MTUS2: variants seen among roughly 807,000 people sequenced by gnomAD.
MTUS2 encodes microtubule-associated tumor suppressor candidate 2.
MTUS2 carries 40 observed loss-of-function variants against 114.1 expected under a neutral mutation model. The ratio of observed to expected loss-of-function variants is 0.35; its 90% CI spans 0.27 to 0.46. MTUS2 has a LOEUF of 0.46. Among genes scored for constraint, MTUS2 ranks in the 20% least tolerant of loss-of-function variants. The probability of loss-of-function intolerance (pLI) is 1.00; values close to 1 mark genes in which losing one functional copy is unlikely to be tolerated. For missense variants in MTUS2, 1,679 were observed against 1,705.4 expected, an observed-to-expected ratio of 0.98 and a Z score of 0.27; for synonymous variants, 688 against 672.0, an observed-to-expected ratio of 1.02 and a Z score of -0.37.
chr13:28,897,258 C>G (rs979645245), intron 2 of MTUS2, among the ~76,000 whole-genome samples: 11 of 151,790 alleles, frequency 7.2e-5, no homozygotes, highest in Non-Finnish European at 1.5e-4. Flanking sequence ...ACATGCTTCT[C>G]AAAAGAAGAC....
At chr13:29,475,871 A>G (rs1270244584) in intron 9 of MTUS2, among the ~76,000 whole-genome samples, 2 of 152,170 alleles carry the variant, frequency 1.3e-5, no homozygotes, top group East Asian at 1.9e-4. Context: ...AATTTTTTTA[A>G]ATAAATTTAG....
chr13:29,232,625 T>G (rs767568514), intron 5 of MTUS2, among the ~76,000 whole-genome samples: 9 of 152,338 alleles, frequency 5.9e-5, no homozygotes, highest in Non-Finnish European at 1.2e-4. Context: ...TTAAGTGGCT[T>G]ATTTTTTTAC....
Position 29,268,241 on chromosome 13 carries a change from T to C in MTUS2, c.2645-13463T>C, listed in dbSNP as rs1034725431. On this transcript the variant is annotated intron_variant, in intron 5 of 15. Transcript: ENST00000612955. The stretch of plus-strand genomic sequence containing the variant: ...AATGAGGAAGGGACAATAAGCTCTT[T>C]GAAAGTTTTTGTGAAATAGAAAAGA... Among the ~76,000 whole-genome samples the C allele has an allele frequency of 3.3e-5, 5 of 152,150 alleles. No individual in the cohort carries two copies. The South Asian group carries it at 6.2e-4, about 19-fold the overall frequency.
chr13:29,047,751 G>C (rs928319522), intron 4 of MTUS2, among the ~76,000 whole-genome samples: 1 of 152,094 alleles, frequency 6.6e-6, no homozygotes, highest in Admixed American at 6.6e-5. Flanking sequence ...CTGACGTGAT[G>C]CGCCCACCTT....
At chr13:28,992,706 T>C (rs151299557) in intron 2 of MTUS2, among the ~76,000 whole-genome samples, 1 of 152,328 alleles carries the variant, frequency 6.6e-6, no homozygotes, top group East Asian at 1.9e-4. Flanking sequence ...TGAGTCCTAG[T>C]TGCTCATATT....
intron 7 of MTUS2, among the ~76,000 whole-genome samples, chr13:29,336,787 T>C (rs1389412284): frequency 1.3e-5 from 2 of 152,174 alleles, no homozygotes; most frequent in African/African-American, 4.8e-5. Flanking sequence ...AGATGGGAAT[T>C]CTATCTATAA....
intron 1 of MTUS2, among the ~76,000 whole-genome samples, chr13:28,830,740 TGAG>T (rs1459207386): frequency 2.0e-5 from 3 of 151,968 alleles, no homozygotes; most frequent in African/African-American, 4.8e-5. Context: ...AAAGATTACT[TGAG>T]GAAATAATGG....
chr13:28,946,946 G>A (rs920815095), intron 2 of MTUS2, among the ~76,000 whole-genome samples: 2 of 152,130 alleles, frequency 1.3e-5, no homozygotes, highest in Non-Finnish European at 2.9e-5. Context: ...CATTCCCAAA[G>A]CACCTTTCAT....
chr13:29,345,989 A>T (rs1868639307), intron 7 of MTUS2, among the ~76,000 whole-genome samples: 1 of 152,194 alleles, frequency 6.6e-6, no homozygotes, highest in African/African-American at 2.4e-5. Flanking sequence ...GTATCTGCAA[A>T]GAGTCCTCTG....
At chr13:29,168,984 A>G (rs993814925) in intron 5 of MTUS2, among the ~76,000 whole-genome samples, 6 of 151,422 alleles carry the variant, frequency 4.0e-5, no homozygotes, top group African/African-American at 1.5e-4. Flanking sequence ...CCTTATATTC[A>G]CAGCTGAATC....
Position 29,246,341 on chromosome 13 carries a change from G to A in MTUS2, c.2645-35363G>A, listed in dbSNP as rs1469310966. 3.9e-5 allele frequency among the ~76,000 whole-genome samples: 6 copies of A among 152,144 alleles called. No homozygotes were observed. The East Asian group carries it at 5.8e-4, about 15-fold the overall frequency. On this transcript the variant is annotated intron_variant, in intron 5 of 15. Coordinates refer to ENST00000612955, the MANE Select transcript of MTUS2 (RefSeq NM_001033602.4). The stretch of plus-strand genomic sequence containing the variant: ...CATCCGAGGCAGACCTAGACCATTC[G>A]GATCTTCTGAGTTTCCTTAGGATAG...
chr13:29,031,018 T>TCAGGGA (rs1234429463), intron 3 of MTUS2, among the ~76,000 whole-genome samples: 1 of 152,134 alleles, frequency 6.6e-6, no homozygotes, highest in Non-Finnish European at 1.5e-5. Flanking sequence ...TCCTGAGGTC[T>TCAGGGA]CAGGGACACT....
At chr13:29,080,006 A>G (rs1431429333) in intron 4 of MTUS2, among the ~76,000 whole-genome samples, 1 of 152,214 alleles carries the variant, frequency 6.6e-6, no homozygotes, top group Non-Finnish European at 1.5e-5. Context: ...TCTTAACAAT[A>G]TTAAGACTTC....
At chr13:29,039,322 G>T (rs1312651962) in intron 4 of MTUS2, among the ~76,000 whole-genome samples, 1 of 152,234 alleles carries the variant, frequency 6.6e-6, no homozygotes, top group Non-Finnish European at 1.5e-5. Flanking sequence ...GAAGTCTGCG[G>T]CTGGGGCCAA....
At chr13:29,309,557 A>T (rs1020309168) in intron 6 of MTUS2, among the ~76,000 whole-genome samples, 7 of 149,182 alleles carry the variant, frequency 4.7e-5, no homozygotes, top group African/African-American at 1.8e-4. Context: ...ACAAACCTGC[A>T]CATCCTGCAC....
At chr13:28,894,343 A>AGAGAGAGAGAGT (rs1566203791) in intron 2 of MTUS2, among the ~76,000 whole-genome samples, 3 of 93,620 alleles carry the variant, frequency 3.2e-5, no homozygotes, top group African/African-American at 1.6e-4. Flanking sequence ...AGAGAGAGAG[A>AGAGAGAGAGAGT]GAGAGAGTGA....
In MTUS2 at chr13:29,484,053, C is replaced by CA. The variant is rs530182676; in HGVS notation, c.3399+3690dup. On this transcript the variant is annotated intron_variant, in intron 10 of 15. Coordinates refer to ENST00000612955, the MANE Select transcript of MTUS2 (RefSeq NM_001033602.4). ...CTCCACAACTTGCTCCAGAGCCACT[C>CA]ACTTCAGGGACTGCCAGTCTGGATG... 3.2e-4 allele frequency: 48 copies of CA among 152,368 alleles called. 1 individual carries two copies. The highest frequency in any genetic ancestry group is 2.5e-3 in the Admixed American group (39 of 15,304). 9.4% of individuals were successfully genotyped at this position (152,368 alleles called of 1,614,324 possible).
intron 5 of MTUS2, among the ~76,000 whole-genome samples, chr13:29,217,662 T>C (rs555422749): frequency 9.8e-5 from 15 of 152,372 alleles, no homozygotes; most frequent in South Asian, 4.1e-4. Flanking sequence ...TTACAATGAC[T>C]GATTCTTCCT....
intron 8 of MTUS2, among the ~76,000 whole-genome samples, chr13:29,405,743 C>CTACTT (rs1874700285): frequency 7.0e-6 from 1 of 141,904 alleles, no homozygotes; most frequent in Non-Finnish European, 1.5e-5. Context: ...TAATTAACTA[C>CTACTT]TTTTTTTTTT....
Sources: allele counts gnomAD v4.1 joint callset (sites outside exome capture counted in the v4.1 genomes callset), GRCh38; gene constraint gnomAD v4.1.1; transcripts MANE v1.5; gene names NCBI Gene and HGNC (gene_info 2026-07-23, HGNC 2026-07-21).